Variants in PDE6A observed in about 807,000 individuals in gnomAD.
The protein encoded by PDE6A is phosphodiesterase 6A, also known as rod cGMP-specific 3',5'-cyclic phosphodiesterase subunit alpha.
PDE6A carries 84 observed loss-of-function variants against 106.3 expected under a neutral mutation model. The ratio of observed to expected loss-of-function variants is 0.79; its 90% confidence interval spans 0.66 to 0.95. PDE6A has a LOEUF of 0.95. Ranked by LOEUF, PDE6A falls within the 40% of genes least tolerant of loss-of-function variation. The pLI, the probability that PDE6A is intolerant of heterozygous loss-of-function variation, is 0.00. For synonymous variants in PDE6A, 394 were observed against 386.6 expected (o/e 1.02, Z -0.23); for missense variants, 1,052 against 1,084.9 (o/e 0.97, Z 0.43).
At chr5:149,888,628 G>A (rs79847777) in intron 13 of PDE6A, among the ~76,000 whole-genome samples, 5,184 of 151,530 alleles carry the variant, frequency 0.034, 119 homozygotes, top group East Asian at 0.064. Flanking sequence ...TTTTGTTAAG[G>A]GTGAAAAGAG....
chr5:149,929,832 T>C (rs1468442865), intron 4 of PDE6A, among the ~76,000 whole-genome samples: 2 of 152,174 alleles, frequency 1.3e-5, no homozygotes, highest in East Asian at 1.9e-4. Context: ...TTAATTTTGG[T>C]GGTGGTTTCA....
chr5:149,887,234 A>C (rs889425168), intron 13 of PDE6A, among the ~76,000 whole-genome samples: 9 of 152,272 alleles, frequency 5.9e-5, no homozygotes, highest in African/African-American at 2.2e-4. Flanking sequence ...ATAGAACACT[A>C]TGCAGCCACA....
intron 6 of PDE6A, 120 bp from the exon 7 acceptor site, chr5:149,907,498 A>G (rs2113616554): frequency 1.3e-6 from 1 of 759,020 alleles, no homozygotes; most frequent in East Asian, 2.6e-5. Context: ...GCTTACATTC[A>G]CTACACCTGA....
chr5:149,893,341 G>A (rs934140848), intron 13 of PDE6A, among the ~76,000 whole-genome samples: 11 of 152,242 alleles, frequency 7.2e-5, no homozygotes, highest in South Asian at 2.1e-4. Context: ...GGACTCCTTC[G>A]GGTAAAGCTA....
Position 149,944,599 on chromosome 5 carries a change from G to A in PDE6A, c.75C>T (p.Asn25=). Residue 25 remains asparagine, a synonymous_variant, in exon 1 of 22, where the codon AAC becomes AAT. Coordinates refer to ENST00000255266, the MANE Select transcript of PDE6A (RefSeq NM_000440.3). ...SNIGFAKQYY[N]LHYRAKLISD... ...AGATGAGCTTGGCCCGGTAGTGGAG[G>A]TTGTAGTACTGTTTGGCAAAGCCAA... 1.2e-6 allele frequency: 2 copies of A among 1,614,060 alleles called. No homozygotes were observed. The highest frequency in any genetic ancestry group is 1.7e-6 in the Non-Finnish European group (2 of 1,180,002).
At chr5:149,890,900 A>C (rs555473881) in intron 13 of PDE6A, among the ~76,000 whole-genome samples, 1 of 152,246 alleles carries the variant, frequency 6.6e-6, no homozygotes, top group Non-Finnish European at 1.5e-5. Context: ...GAGATATACA[A>C]TTTTAATGAA....
In PDE6A at chr5:149,867,856, C is replaced by G. The variant is rs935475529; in HGVS notation, c.2200-57G>C. On this transcript the variant is annotated intron_variant, in intron 18 of 21. Transcript: ENST00000255266. ...TCAGAGCCCCAGCCCAATCCCCTAC[C>G]CCTGCTCCCACCCCACTTGCAATTC... The G allele has an allele frequency of 2.0e-6, 3 of 1,509,420 alleles. No homozygotes were observed. The African/African-American group carries it at 4.1e-5, about 21-fold the overall frequency. The allele number at this position is 1,509,420 out of a possible 1,614,324, so 93.5% of individuals were successfully genotyped here. A position where few individuals can be genotyped will look rare whatever the true frequency, so the allele number is the denominator to read the frequency against.
At chr5:149,893,812 T>C (rs1239281617) in intron 13 of PDE6A, among the ~76,000 whole-genome samples, 1 of 152,154 alleles carries the variant, frequency 6.6e-6, no homozygotes, top group African/African-American at 2.4e-5. Context: ...CTCTGTTCTG[T>C]CTCCCTGATG....
Position 149,896,431 on chromosome 5 carries a change from T to C in PDE6A, c.1545A>G (p.Glu515=), listed in dbSNP as rs1363049888. Residue 515 remains glutamate, a synonymous_variant, in exon 12 of 22, where the codon GAA becomes GAG. Transcript: ENST00000255266. The stretch of plus-strand genomic sequence containing the variant: ...GTATTCCACATTTTACCAGCTCCAG[T>C]TCTGTTAGGGGTAAGTCACTGAAGT... ...KFHFSDLPLT[E]LELVKCGIQM... 13 of 1,614,020 alleles carry C rather than the reference T, an allele frequency of 8.1e-6. No individual in the cohort carries two copies. The highest frequency in any genetic ancestry group is 1.1e-5 in the Non-Finnish European group (13 of 1,179,978).
At chr5:149,914,840 T>A in intron 6 of PDE6A, 103 bp downstream of exon 6, 1 of 814,770 alleles carries the variant, frequency 1.2e-6, no homozygotes, top group Non-Finnish European at 2.2e-6. Context: ...ACTTATGTAT[T>A]TTATGGAATG....
At position 149,863,130 on chromosome 5, in the gene PDE6A, G is replaced by T; in HGVS notation, c.2495C>A (p.Ser832Ter). Residue 832 changes from serine to a stop codon, truncating the protein, a stop_gained, in exon 21 of 22, where the codon TCG becomes TAG. Coordinates refer to ENST00000255266, the MANE Select transcript of PDE6A (RefSeq NM_000440.3). LOFTEE classifies it low-confidence loss of function (END_TRUNC). This position sits in a 1 kb window ranked among gnomAD's most constrained non-coding sequence, Gnocchi z 4.7. ...CCCCTTCCACAAACCTGACTTGGCC[G>T]ACTGCTGTTTCTGCTTCTTCTCCTC... ...VQEEKKQKQQ[S>*]AKSAAAGNQP... The T allele has an allele frequency of 6.2e-7, 1 of 1,614,186 alleles. No individual in the cohort carries two copies. Among genetic ancestry groups the T allele is most frequent in the Non-Finnish European group, 8.5e-7 (1 of 1,180,040 alleles).
chr5:149,916,310 G>A (rs1270561086), intron 5 of PDE6A, among the ~76,000 whole-genome samples: 3 of 152,212 alleles, frequency 2.0e-5, no homozygotes, highest in Non-Finnish European at 2.9e-5. Flanking sequence ...CAAGAAGAAA[G>A]AGATAAAGAC....
chr5:149,906,595 CT>C (rs1298975544), intron 7 of PDE6A, among the ~76,000 whole-genome samples: 1 of 146,352 alleles, frequency 6.8e-6, no homozygotes, highest in Non-Finnish European at 1.5e-5. Context: ...CTTCCTCCCT[CT>C]TGAGCCTCAT....
At chr5:149,868,991 T>G (rs1391785505) in intron 17 of PDE6A, among the ~76,000 whole-genome samples, 1 of 151,902 alleles carries the variant, frequency 6.6e-6, no homozygotes. Flanking sequence ...AAACATATGG[T>G]GTAAAGAGAA....
chr5:149,859,276 A>G lies in PDE6A; in HGVS notation c.*1619T>C, dbSNP rs1369460775. The G allele has an allele frequency of 6.6e-6, 1 of 152,240 alleles. No homozygotes were observed. Among genetic ancestry groups the G allele is most frequent in the Non-Finnish European group, 1.5e-5 (1 of 68,036 alleles). The allele number at this position is 152,240 out of a possible 1,614,324, so 9.4% of individuals were successfully genotyped here. On this transcript the variant is annotated 3_prime_UTR_variant, in exon 22 of 22. Transcript: ENST00000255266. ...TCTTCTTTTTTCTAAAAACCAACAA[A>G]AAGAAACAACTAAATTCAATATGTG...
chr5:149,901,898 T>A lies in PDE6A; in HGVS notation c.1113+1750A>T, dbSNP rs533950384. ...ATTTCCTTCTGAATTATTTCCTGAT[T>A]GATAATGATTTGTTTTTCTTTTATT... On this transcript the variant is annotated intron_variant, in intron 8 of 21. Coordinates refer to ENST00000255266, the MANE Select transcript of PDE6A (RefSeq NM_000440.3). Among the ~76,000 whole-genome samples, 3 of 152,384 alleles carry A rather than the reference T, an allele frequency of 2.0e-5. No homozygotes were observed. In the South Asian group the frequency reaches 6.2e-4, roughly 32 times the overall value.
chr5:149,870,553 C>T (rs2113515496), intron 17 of PDE6A, among the ~76,000 whole-genome samples: 1 of 151,958 alleles, frequency 6.6e-6, no homozygotes, highest in South Asian at 2.1e-4. Flanking sequence ...AGAAACACAC[C>T]TAAGAATTTT....
intron 3 of PDE6A, chr5:149,932,387 T>A: frequency 7.3e-7 from 1 of 1,367,298 alleles, no homozygotes; most frequent in South Asian, 1.2e-5. Flanking sequence ...TTAGCCTAAG[T>A]ACACGAGGTG....
chr5:149,931,867 AC>A lies in PDE6A; in HGVS notation c.718-700del, dbSNP rs1364188170. 2.0e-5 allele frequency: 12 copies of A among 602,164 alleles called. No homozygotes were observed. The East Asian group carries it at 3.2e-4, about 16-fold the overall frequency. The allele number at this position is 602,164 out of a possible 1,614,324, so 37.3% of individuals were successfully genotyped here. A position where few individuals can be genotyped will look rare whatever the true frequency, so the allele number is the denominator to read the frequency against. The stretch of plus-strand genomic sequence containing the variant: ...AAAAGGAGAATTTTAAGCAGGTGTT[AC>A]CTCCAGAGTTTCTGGAAGAAATATA... On this transcript the variant is annotated intron_variant, in intron 3 of 21. Coordinates refer to ENST00000255266, the MANE Select transcript of PDE6A (RefSeq NM_000440.3).
Sources: allele counts gnomAD v4.1 joint callset (sites outside exome capture counted in the v4.1 genomes callset), GRCh38; gene constraint gnomAD v4.1.1; non-coding constraint Gnocchi (gnomAD v3.1); transcripts MANE v1.5; gene names NCBI Gene and HGNC (gene_info 2026-07-23, HGNC 2026-07-21).